Variants in PPP3CC observed in about 807,000 individuals in gnomAD.
PPP3CC encodes the protein protein phosphatase 3 catalytic subunit gamma, also known as serine/threonine-protein phosphatase 2B catalytic subunit gamma isoform.
A neutral mutation model predicts 60.3 loss-of-function variants in PPP3CC; 35 were observed. The ratio of observed to expected loss-of-function variants is 0.58; its 90% CI spans 0.44 to 0.77. The LOEUF (loss-of-function observed/expected upper bound fraction) is 0.77. Among genes scored for constraint, PPP3CC ranks in the 30% least tolerant of loss-of-function variants. The pLI is 0.00. For missense variants in PPP3CC, 570 were observed against 628.9 expected, an observed-to-expected ratio of 0.91 and a Z score of 1.00; for synonymous variants, 206 against 224.3, an observed-to-expected ratio of 0.92 and a Z score of 0.73.
intron 4 of PPP3CC, among the ~76,000 whole-genome samples, chr8:22,498,911 T>G (rs1337722667): frequency 2.7e-5 from 4 of 150,494 alleles, no homozygotes; most frequent in Non-Finnish European, 5.9e-5. Flanking sequence ...GAACACAAGG[T>G]CAGGAGTTCA....
intron 4 of PPP3CC, among the ~76,000 whole-genome samples, chr8:22,503,452 C>T (rs980760878): frequency 6.6e-6 from 1 of 151,904 alleles, no homozygotes; most frequent in Admixed American, 6.6e-5. Flanking sequence ...CCTATGGCTG[C>T]CTTTGTTTTG....
At chr8:22,457,504 C>T (rs1419849374) in intron 1 of PPP3CC, among the ~76,000 whole-genome samples, 2 of 151,944 alleles carry the variant, frequency 1.3e-5, no homozygotes, top group Non-Finnish European at 2.9e-5. Context: ...GGGAGGGTTT[C>T]ACGATGTTGG....
At chr8:22,481,089 T>G (rs1838050576) in intron 3 of PPP3CC, among the ~76,000 whole-genome samples, 2 of 152,092 alleles carry the variant, frequency 1.3e-5, no homozygotes, top group African/African-American at 4.8e-5. Flanking sequence ...AATCCCACAC[T>G]TGGGGAGGCC....
intron 1 of PPP3CC, among the ~76,000 whole-genome samples, chr8:22,461,187 G>A (rs1273825599): frequency 6.6e-6 from 1 of 152,174 alleles, no homozygotes; most frequent in Non-Finnish European, 1.5e-5. Context: ...GCCATATTTA[G>A]CAAACATAGT....
chr8:22,446,125 C>T (rs1280785739), intron 1 of PPP3CC, among the ~76,000 whole-genome samples: 1 of 152,080 alleles, frequency 6.6e-6, no homozygotes, highest in Non-Finnish European at 1.5e-5. Flanking sequence ...ATAACTTTTA[C>T]TGGAGTGTAT....
At chr8:22,481,871 T>G (rs1241499131) in intron 3 of PPP3CC, among the ~76,000 whole-genome samples, 1 of 152,120 alleles carries the variant, frequency 6.6e-6, no homozygotes, top group African/African-American at 2.4e-5. Flanking sequence ...AACTCATCCT[T>G]TTTTTTGGCT....
intron 3 of PPP3CC, among the ~76,000 whole-genome samples, chr8:22,495,267 C>G (rs985128308): frequency 6.6e-6 from 1 of 152,110 alleles, no homozygotes; most frequent in African/African-American, 2.4e-5. Flanking sequence ...CTTTTTTCAT[C>G]TAAAAATATA....
At chr8:22,462,539 A>G (rs1204560391) in intron 1 of PPP3CC, among the ~76,000 whole-genome samples, 2 of 151,352 alleles carry the variant, frequency 1.3e-5, no homozygotes, top group Non-Finnish European at 2.9e-5. Flanking sequence ...TGGCCTCTAC[A>G]GGCACCAGGC....
At chr8:22,539,391 G>A (rs935734834) in intron 12 of PPP3CC, 78 bp from the exon 13 acceptor site, 1 of 1,489,690 alleles carries the variant, frequency 6.7e-7, no homozygotes, top group African/African-American at 1.4e-5. Flanking sequence ...GGATGGCTGT[G>A]CTGCCATCAG....
Position 22,514,717 on chromosome 8 carries a change from G to A in PPP3CC, c.770+1285G>A, listed in dbSNP as rs867194531. 2.4e-4 allele frequency among the ~76,000 whole-genome samples: 31 copies of A among 128,548 alleles called. No homozygotes were observed. The Middle Eastern group carries it at 0.032, about 134-fold the overall frequency. The allele number at this position is 128,548 out of a possible 152,430, so 84.3% of individuals were successfully genotyped here. A position where few individuals can be genotyped will look rare whatever the true frequency, so the allele number is the denominator to read the frequency against. On this transcript the variant is annotated intron_variant, in intron 6 of 13. Coordinates refer to ENST00000240139, the MANE Select transcript of PPP3CC (RefSeq NM_005605.5). ...TTTTTTTTTCCTTTTTTGAGACGGA[G>A]TCTTGCTCGGTCACCCAGGCTGGTG...
intron 1 of PPP3CC, among the ~76,000 whole-genome samples, chr8:22,470,066 AC>A (rs1837673574): frequency 6.7e-6 from 1 of 150,126 alleles, no homozygotes; most frequent in Non-Finnish European, 1.5e-5. Context: ...ATATACACAC[AC>A]ACACACACAC....
At chr8:22,450,858 C>A (rs974738711) in intron 1 of PPP3CC, among the ~76,000 whole-genome samples, 1 of 146,210 alleles carries the variant, frequency 6.8e-6, no homozygotes, top group South Asian at 2.2e-4. Flanking sequence ...TTTATTGAGA[C>A]GGAGTCTCGC....
Position 22,540,887 on chromosome 8 carries a change from A to C in PPP3CC, c.*85A>C. ...ATTATTGGAAAATGAAAAGCAACTC[A>C]AAACAACTTCAACGTGGAGGTGCAT... On this transcript the variant is annotated 3_prime_UTR_variant, in exon 14 of 14. Transcript: ENST00000240139. The C allele has an allele frequency of 6.3e-6, 8 of 1,275,592 alleles. No individual in the cohort carries two copies. Among genetic ancestry groups the C allele is most frequent in the South Asian group, 1.9e-5 (1 of 53,138 alleles). 79.0% of individuals were successfully genotyped at this position (1,275,592 alleles called of 1,614,324 possible).
intron 3 of PPP3CC, among the ~76,000 whole-genome samples, chr8:22,490,938 G>GCATGACTTATAAT (rs1838385681): frequency 6.6e-6 from 1 of 152,102 alleles, no homozygotes; most frequent in Admixed American, 6.6e-5. Flanking sequence ...CTTTATAGCA[G>GCATGACTTATAAT]CATGACTTAT....
chr8:22,501,639 G>T (rs1401311129), intron 4 of PPP3CC, among the ~76,000 whole-genome samples: 2 of 152,156 alleles, frequency 1.3e-5, no homozygotes, highest in Non-Finnish European at 2.9e-5. Flanking sequence ...CTTTTTTCCA[G>T]GCCGGCCTGA....
At position 22,451,259 on chromosome 8, in the gene PPP3CC, C is replaced by T. The variant is rs557144354; in HGVS notation, c.49+9801C>T. On this transcript the variant is annotated intron_variant, in intron 1 of 13. Coordinates refer to ENST00000240139, the MANE Select transcript of PPP3CC (RefSeq NM_005605.5). Reference sequence around the variant, plus strand: ...CAAGTGATTCTCCTGCCCCAGCCTCCCGAGTAGCTGGGATTACAGGTGCAT... The same window carrying T: ...CAAGTGATTCTCCTGCCCCAGCCTCTCGAGTAGCTGGGATTACAGGTGCAT... Among the ~76,000 whole-genome samples, 3 of 152,200 alleles carry T rather than the reference C, an allele frequency of 2.0e-5. No individual in the cohort carries two copies. The East Asian group carries it at 5.8e-4, about 29-fold the overall frequency.
At chr8:22,497,753 ATATG>A (rs1185641945) in intron 3 of PPP3CC, among the ~76,000 whole-genome samples, 1 of 152,180 alleles carries the variant, frequency 6.6e-6, no homozygotes, top group African/African-American at 2.4e-5. Context: ...CGACTAATAT[ATATG>A]TGTGAGTGGC....
At chr8:22,526,584 G>A (rs949065529) in intron 8 of PPP3CC, among the ~76,000 whole-genome samples, 6 of 152,126 alleles carry the variant, frequency 3.9e-5, no homozygotes, top group South Asian at 2.1e-4. Flanking sequence ...GAATGAGGAC[G>A]TGACCTATAT....
chr8:22,441,462 C>T lies in PPP3CC; in HGVS notation c.49+4C>T. The T allele has an allele frequency of 6.5e-7, 1 of 1,538,910 alleles. No individual in the cohort carries two copies. The highest frequency in any genetic ancestry group is 1.2e-5 in the South Asian group (1 of 82,214). On this transcript the variant is annotated splice_donor_region_variant and intron_variant, in intron 1 of 13. Coordinates refer to ENST00000240139, the MANE Select transcript of PPP3CC (RefSeq NM_005605.5). ...ACCACCGACCGCGTCATCAAAGGTGCCTGGCGGGCCGGGCCTTCCTCTGGG... is the reference window on the plus strand; with the variant it reads ...ACCACCGACCGCGTCATCAAAGGTGTCTGGCGGGCCGGGCCTTCCTCTGGG...
Sources: gnomAD v4.1 joint callset for allele counts (sites outside exome capture counted in the v4.1 genomes callset) on GRCh38, gnomAD v4.1.1 for gene constraint, MANE v1.5 for transcripts, NCBI Gene and HGNC (gene_info 2026-07-23, HGNC 2026-07-21) for gene names.